SPACA7: variants seen among roughly 807,000 people sequenced by gnomAD.
SPACA7 encodes the protein sperm acrosome-associated protein 7.
SPACA7 carries 19 observed loss-of-function variants against 26.3 expected under a neutral mutation model. That is an observed-to-expected ratio of 0.72 (90% CI 0.50 to 1.06). The LOEUF (loss-of-function observed/expected upper bound fraction) is 1.06. Ranked by LOEUF, SPACA7 falls within the 50% of genes least tolerant of loss-of-function variation. The probability of loss-of-function intolerance (pLI) is 0.00; values close to 1 mark genes in which losing one functional copy is unlikely to be tolerated. For missense variants in SPACA7, 211 were observed against 229.9 expected, an observed-to-expected ratio of 0.92 and a Z score of 0.53; for synonymous variants, 84 against 84.5, an observed-to-expected ratio of 0.99 and a Z score of 0.04.
At chr13:112,401,954 C>T (rs549502180) in intron 5 of SPACA7, among the ~76,000 whole-genome samples, 4 of 152,208 alleles carry the variant, frequency 2.6e-5, no homozygotes, top group Non-Finnish European at 5.9e-5. Context: ...GGGCCAGCAC[C>T]ACAGTGTGTT....
intron 2 of SPACA7, among the ~76,000 whole-genome samples, chr13:112,396,673 G>C (rs1170265248): frequency 6.6e-6 from 1 of 152,220 alleles, no homozygotes; most frequent in Non-Finnish European, 1.5e-5. Flanking sequence ...TCCTAAGATT[G>C]GTGCTTCTGT....
At chr13:112,432,257 G>A (rs1227811024) in intron 5 of SPACA7, among the ~76,000 whole-genome samples, 187 bp from the exon 6 acceptor site, 1 of 152,230 alleles carries the variant, frequency 6.6e-6, no homozygotes, top group African/African-American at 2.4e-5. Context: ...GGGCTTGCTG[G>A]AGGAAATGTT....
At chr13:112,419,077 G>C in intron 5 of SPACA7, among the ~76,000 whole-genome samples, 1 of 151,814 alleles carries the variant, frequency 6.6e-6, no homozygotes, top group Admixed American at 6.6e-5. Context: ...ATAAAAAGTG[G>C]GATCATCTAC....
intron 5 of SPACA7, among the ~76,000 whole-genome samples, chr13:112,418,959 GT>G (rs746993133): frequency 2.0e-5 from 3 of 151,826 alleles, no homozygotes; most frequent in Non-Finnish European, 1.5e-5. Flanking sequence ...GGAGGCAGAG[GT>G]TGCAGTGAAC....
chr13:112,416,285 G>A (rs1886686839), intron 5 of SPACA7, among the ~76,000 whole-genome samples: 1 of 118,002 alleles, frequency 8.5e-6, no homozygotes, highest in Non-Finnish European at 1.6e-5. Flanking sequence ...TGTTGTTGTT[G>A]TTGTTTGTTG....
chr13:112,417,513 G>C (rs544963613), intron 5 of SPACA7, among the ~76,000 whole-genome samples: 5 of 151,966 alleles, frequency 3.3e-5, no homozygotes, highest in Non-Finnish European at 7.4e-5. Flanking sequence ...TAATCTTACA[G>C]GACCATACAT....
At chr13:112,416,289 T>C (rs769083113) in intron 5 of SPACA7, among the ~76,000 whole-genome samples, 4 of 99,758 alleles carry the variant, frequency 4.0e-5, no homozygotes, top group Non-Finnish European at 8.2e-5. Flanking sequence ...GTTGTTGTTG[T>C]TTGTTGTTGT....
At chr13:112,401,219 G>A (rs1594279987) in intron 5 of SPACA7, 55 bp downstream of exon 5, 1 of 1,393,260 alleles carries the variant, frequency 7.2e-7, no homozygotes, top group Non-Finnish European at 1.0e-6. Flanking sequence ...AGGCATGAGT[G>A]TGTGAGGTGA....
chr13:112,377,829 G>A lies in SPACA7; in HGVS notation c.94+1350G>A, dbSNP rs193122110. On this transcript the variant is annotated intron_variant, in intron 1 of 6. Transcript: ENST00000283550. ...TTCATCTGGTGGAGGATGTGTGCTG[G>A]ATGGTACAAGTAGTCGGGAATTTAA... is the stretch of plus-strand genomic sequence containing the variant. 2.2e-4 allele frequency among the ~76,000 whole-genome samples: 33 copies of A among 152,310 alleles called. No individual in the cohort carries two copies. The East Asian group carries it at 6.4e-3, about 29-fold the overall frequency.
chr13:112,432,827 C>T (rs2139093015), intron 6 of SPACA7, among the ~76,000 whole-genome samples: 1 of 152,340 alleles, frequency 6.6e-6, no homozygotes, highest in East Asian at 1.9e-4. Context: ...CACCACCCAC[C>T]TACTCAAGGG....
intron 1 of SPACA7, among the ~76,000 whole-genome samples, chr13:112,383,568 C>T (rs984362667): frequency 3.9e-5 from 6 of 152,244 alleles, no homozygotes; most frequent in South Asian, 4.2e-4. Context: ...TTTTAAAAGC[C>T]GAGCCCAGCC....
chr13:112,396,456 C>T (rs571521571), intron 2 of SPACA7, among the ~76,000 whole-genome samples: 3 of 152,286 alleles, frequency 2.0e-5, no homozygotes, highest in Admixed American at 1.3e-4. Flanking sequence ...TGCCTGGTCA[C>T]GGCTGTAGAA....
intron 5 of SPACA7, among the ~76,000 whole-genome samples, chr13:112,401,476 A>C (rs1323933261): frequency 3.3e-5 from 5 of 152,162 alleles, no homozygotes; most frequent in Non-Finnish European, 5.9e-5. Flanking sequence ...TTTATATTTT[A>C]AGAACAAACT....
At chr13:112,392,013 T>A (rs1157050515) in intron 1 of SPACA7, among the ~76,000 whole-genome samples, 1 of 152,186 alleles carries the variant, frequency 6.6e-6, no homozygotes, top group Admixed American at 6.5e-5. Context: ...ATCAGCTTTG[T>A]CACTGGTTTA....
chr13:112,415,804 TA>T (rs1886654619), intron 5 of SPACA7, among the ~76,000 whole-genome samples: 1 of 152,098 alleles, frequency 6.6e-6, no homozygotes, highest in South Asian at 2.1e-4. Context: ...CCACTTTAGG[TA>T]ATCAGCAGTG....
In SPACA7 at chr13:112,415,112, C is replaced by A. The variant is rs145535957; in HGVS notation, c.445+13948C>A. ...CAGCTCTGATGCAGTTGGGGAAAAT[C>A]AGGGAGAATCCTCTGGGCTCCCAAA... On this transcript the variant is annotated intron_variant, in intron 5 of 6. Coordinates refer to ENST00000283550, the MANE Select transcript of SPACA7 (RefSeq NM_145248.5). Among the ~76,000 whole-genome samples the A allele has an allele frequency of 2.3e-3, 346 of 152,352 alleles. 1 individual carries two copies. The highest frequency in any genetic ancestry group is 7.9e-3 in the African/African-American group (330 of 41,598).
At chr13:112,423,317 A>C (rs1428312441) in intron 5 of SPACA7, among the ~76,000 whole-genome samples, 1 of 152,254 alleles carries the variant, frequency 6.6e-6, no homozygotes, top group Non-Finnish European at 1.5e-5. Flanking sequence ...GGAAATTTAT[A>C]GCATTAAATG....
At chr13:112,383,095 AAAG>A (rs1389176887) in intron 1 of SPACA7, among the ~76,000 whole-genome samples, 7 of 49,748 alleles carry the variant, frequency 1.4e-4, no homozygotes, top group Admixed American at 3.1e-4. Flanking sequence ...AGAAAGAAAG[AAAG>A]AAGAAAGAAA....
chr13:112,398,734 C>T (rs1313985342), intron 3 of SPACA7, among the ~76,000 whole-genome samples: 11 of 152,204 alleles, frequency 7.2e-5, no homozygotes, highest in Non-Finnish European at 1.3e-4. Context: ...AAGGAGAGAA[C>T]TGGGAATCAG....
Sources: allele counts gnomAD v4.1 joint callset (sites outside exome capture counted in the v4.1 genomes callset), GRCh38; gene constraint gnomAD v4.1.1; transcripts MANE v1.5; gene names NCBI Gene and HGNC (gene_info 2026-07-23, HGNC 2026-07-21).